Variants in SUGP2 observed in about 807,000 individuals in gnomAD.
SUGP2 encodes SURP and G-patch domain containing 2, also known as SURP and G-patch domain-containing protein 2.
Under a neutral mutation model 90.5 loss-of-function variants are expected in SUGP2, and 24 were observed. The observed-to-expected ratio is 0.27, with a 90% confidence interval of 0.19 to 0.37. SUGP2 has a LOEUF of 0.37. Among genes scored for constraint, SUGP2 ranks in the 10% least tolerant of loss-of-function variants. The pLI is 1.00. For missense variants in SUGP2, 1,233 were observed against 1,363.3 expected, an observed-to-expected ratio of 0.90 and a Z score of 1.51; for synonymous variants, 473 against 513.4, an observed-to-expected ratio of 0.92 and a Z score of 1.06.
At chr19:19,019,312 T>C (rs2058620263) in intron 3 of SUGP2, 83 bp from the exon 4 acceptor site, 4 of 1,483,774 alleles carry the variant, frequency 2.7e-6, no homozygotes, top group Non-Finnish European at 2.7e-6. Context: ...AGTTGGGGGC[T>C]TAGTGCTGAA....
At chr19:19,021,607 G>T (rs968572336) in intron 3 of SUGP2, among the ~76,000 whole-genome samples, 2 of 151,632 alleles carry the variant, frequency 1.3e-5, no homozygotes, top group Non-Finnish European at 2.9e-5. Context: ...CTTTCAAGGA[G>T]AATTAAAAAC....
intron 8 of SUGP2, among the ~76,000 whole-genome samples, chr19:18,995,967 G>A (rs996226206): frequency 6.6e-6 from 1 of 152,054 alleles, no homozygotes; most frequent in Admixed American, 6.6e-5. Flanking sequence ...TGGGGCCTCT[G>A]GAGGAGGAGC....
intron 4 of SUGP2, among the ~76,000 whole-genome samples, chr19:19,016,168 A>G (rs1416820006): frequency 2.0e-5 from 3 of 152,106 alleles, no homozygotes; most frequent in African/African-American, 7.2e-5. Context: ...TTCTGGGACT[A>G]CAGGCACCCG....
intron 8 of SUGP2, among the ~76,000 whole-genome samples, chr19:18,997,719 G>A (rs2057661591): frequency 6.9e-6 from 1 of 144,932 alleles, no homozygotes; most frequent in African/African-American, 2.6e-5. Context: ...GGAGGCAGAG[G>A]TTGCAGTGAG....
chr19:19,004,507 G>T lies in SUGP2; in HGVS notation c.2590C>A (p.Pro864Thr). The T allele has an allele frequency of 6.2e-7, 1 of 1,614,236 alleles. No homozygotes were observed. Among genetic ancestry groups the T allele is most frequent in the Admixed American group, 1.7e-5 (1 of 60,024 alleles). ...GCTTCCCCTTCCATGAGGTCCACGGGGCTCTCCTGAGAACCCGTGGTGTCA... is the reference window on the plus strand; with the variant it reads ...GCTTCCCCTTCCATGAGGTCCACGGTGCTCTCCTGAGAACCCGTGGTGTCA... ...GGDTTGSQES[P>T]VDLMEGEAEF... Residue 864 changes from proline (P) to threonine (T), a missense_variant, in exon 7 of 11, where the codon CCC becomes ACC. Pro to Thr is a conservative substitution (Grantham distance 38). Coordinates refer to ENST00000452918, the MANE Select transcript of SUGP2 (RefSeq NM_001017392.5).
intron 9 of SUGP2, 165 bp downstream of exon 9, chr19:18,994,979 G>A: frequency 1.3e-6 from 1 of 796,386 alleles, no homozygotes; most frequent in East Asian, 2.7e-5. Flanking sequence ...GTAAACACCT[G>A]CACATGTAAA....
intron 4 of SUGP2, among the ~76,000 whole-genome samples, chr19:19,018,439 G>A (rs1274947533): frequency 6.6e-6 from 1 of 152,008 alleles, no homozygotes; most frequent in East Asian, 1.9e-4. Context: ...TGTAATCCCA[G>A]CACTTTGGGA....
intron 4 of SUGP2, among the ~76,000 whole-genome samples, chr19:19,010,701 G>A (rs547873722): frequency 4.6e-5 from 7 of 152,310 alleles, no homozygotes; most frequent in South Asian, 2.1e-4. Flanking sequence ...ATGAGTGCTC[G>A]GTGAGCTTTT....
chr19:18,994,463 C>G lies in SUGP2; in HGVS notation c.3152G>C (p.Gly1051Ala), dbSNP rs752094402. 2.5e-6 allele frequency: 4 copies of G among 1,614,078 alleles called. No individual in the cohort carries two copies. In the African/African-American group the frequency reaches 5.3e-5, roughly 22 times the overall value. ...GTGCTCCTGCCCGTCAGCACCCAAC[C>G]CTTCCCCTTCCGAGGGGGTTCCCCT... is the stretch of plus-strand genomic sequence containing the variant. ...VSVGTPSEGE[G>A]LGADGQEHKE... Residue 1051 changes from glycine to alanine, a missense_variant, in exon 10 of 11, where the codon GGG becomes GCG. Physicochemically the swap from Gly to Ala is moderately conservative, Grantham distance 60. Around this residue, in one of 8 missense-constraint regions of SUGP2, gnomAD observed 53 missense variants for 55.3 expected, o/e 0.96. Transcript: ENST00000452918.
intron 8 of SUGP2, among the ~76,000 whole-genome samples, chr19:19,000,501 G>C (rs1287642173): frequency 6.6e-6 from 1 of 152,198 alleles, no homozygotes; most frequent in African/African-American, 2.4e-5. Context: ...CTGCTTACTA[G>C]CAGATTAGTG....
chr19:19,025,445 C>T lies in SUGP2; in HGVS notation c.903G>A (p.Gly301=), dbSNP rs1289599657. 1 of 1,614,152 alleles carries T rather than the reference C, an allele frequency of 6.2e-7. No individual in the cohort carries two copies. ...GGAGCCGAAGATTCTTCAGATCCAG[C>T]CCCAGAGGGATCTTCTGAATGGGGA... ...IQFPIQKIPL[G]LDLKNLRLPR... The change falls in exon 3 of 11, where the codon GGG becomes GGA. Residue 301 remains glycine (G), a synonymous_variant. Transcript: ENST00000452918.
Position 19,025,028 on chromosome 19 carries a change from G to A in SUGP2, c.1320C>T (p.Val440=). ...MRLQDRLLKS[V]TPLLMACNAY... ...CATTGCAGGCCATAAGCAAAGGTGTGACACTCTTCAGAAGCCGGTCTTGAA... is the reference window on the plus strand; with the variant it reads ...CATTGCAGGCCATAAGCAAAGGTGTAACACTCTTCAGAAGCCGGTCTTGAA... Residue 440 remains valine, a synonymous_variant, in exon 3 of 11, where the codon GTC becomes GTT. Coordinates refer to ENST00000452918, the MANE Select transcript of SUGP2 (RefSeq NM_001017392.5). The A allele has an allele frequency of 6.2e-7, 1 of 1,614,202 alleles. No individual in the cohort carries two copies.
At chr19:19,009,025 G>A (rs2058199200) in intron 5 of SUGP2, among the ~76,000 whole-genome samples, 1 of 152,066 alleles carries the variant, frequency 6.6e-6, no homozygotes. Context: ...GATTCTCCTA[G>A]CTCAGCCTCC....
chr19:19,007,607 A>G (rs2058130707), intron 6 of SUGP2, among the ~76,000 whole-genome samples: 1 of 150,820 alleles, frequency 6.6e-6, no homozygotes, highest in African/African-American at 2.4e-5. Context: ...GGCACCTGCC[A>G]CTACACCCGG....
intron 10 of SUGP2, 31 bp downstream of exon 10, chr19:18,994,335 G>C (rs374398365): frequency 7.5e-5 from 120 of 1,604,556 alleles, no homozygotes; most frequent in Non-Finnish European, 9.9e-5. Context: ...AGCGAGGGCA[G>C]ACGGCCTTAC....
intron 9 of SUGP2, 128 bp from the exon 10 acceptor site, chr19:18,994,614 G>C (rs1370345863): frequency 1.5e-6 from 2 of 1,337,088 alleles, no homozygotes; most frequent in African/African-American, 1.5e-5. Flanking sequence ...ATCAAAGAAA[G>C]GGAAAATCAA....
At chr19:19,016,295 C>T (rs1323870080) in intron 4 of SUGP2, among the ~76,000 whole-genome samples, 2 of 152,104 alleles carry the variant, frequency 1.3e-5, no homozygotes, top group Admixed American at 1.3e-4. Context: ...AGGTGTGAGC[C>T]ACCATGCCCG....
intron 4 of SUGP2, 83 bp from the exon 5 acceptor site, chr19:19,010,425 T>G: frequency 1.3e-6 from 2 of 1,534,358 alleles, no homozygotes; most frequent in Admixed American, 1.8e-5. Context: ...AAACCCTTTC[T>G]AAGTGGCCAA....
rs935044624 is a variant in SUGP2 at position 18,993,409 on chromosome 19, G to T, written c.*332C>A. The T allele has an allele frequency of 6.6e-6, 1 of 152,222 alleles. No homozygotes were observed. Among genetic ancestry groups the T allele is most frequent in the African/African-American group, 2.4e-5 (1 of 41,452 alleles). 9.4% of individuals were successfully genotyped at this position (152,222 alleles called of 1,614,324 possible). ...CAGTCCAACTGGAAAATCAGCCAGA[G>T]GAGCTGGTTCCTCAGCACTCACAGG... On this transcript the variant is annotated 3_prime_UTR_variant, in exon 11 of 11. Transcript: ENST00000452918.
Sources: gnomAD v4.1 joint callset for allele counts (sites outside exome capture counted in the v4.1 genomes callset) on GRCh38, gnomAD v4.1.1 for gene constraint, gnomAD v4.1.1 regional missense constraint, MANE v1.5 for transcripts, NCBI Gene and HGNC (gene_info 2026-07-23, HGNC 2026-07-21) for gene names.